Variants in ACSM2B observed in about 807,000 individuals in gnomAD.
ACSM2B encodes the protein acyl-CoA synthetase medium chain family member 2B.
In ACSM2B, 58 loss-of-function variants were observed where a neutral mutation model predicts 78.6. The observed-to-expected ratio is 0.74, with a 90% CI of 0.60 to 0.92. The LOEUF (loss-of-function observed/expected upper bound fraction) is 0.92, where lower values mean the gene tolerates loss of function less well. ACSM2B is among the 40% of genes least tolerant of loss of function. ACSM2B has a pLI of 0.00. For synonymous variants in ACSM2B, 257 were observed against 256.8 expected, an observed-to-expected ratio of 1.00 and a Z score of -0.01; for missense variants, 688 against 711.2, an observed-to-expected ratio of 0.97 and a Z score of 0.37.
Position 20,556,549 on chromosome 16 carries a change from C to T in ACSM2B, c.389-1073G>A, listed in dbSNP as rs936918498. ...CCTGGGAGGCAAAGGTTGCAGTGAG[C>T]CAAAATCGCACCACTGCACTCCAGC... On this transcript the variant is annotated intron_variant, in intron 3 of 13. Transcript: ENST00000329697. Among the ~76,000 whole-genome samples, 6 of 152,158 alleles carry T rather than the reference C, an allele frequency of 3.9e-5. No homozygotes were observed. The East Asian group carries it at 1.2e-3, about 29-fold the overall frequency.
intron 8 of ACSM2B, chr16:20,547,855 T>G: frequency 7.9e-7 from 1 of 1,266,054 alleles, no homozygotes; most frequent in Non-Finnish European, 1.1e-6. Context: ...CAAATCTCAC[T>G]GGAATGTAAT....
intron 12 of ACSM2B, chr16:20,542,540 G>T: frequency 4.4e-6 from 1 of 226,530 alleles, no homozygotes; most frequent in South Asian, 9.0e-5. Context: ...TTCGTATTGT[G>T]AATAGTGCTG....
rs1191942535 is a variant in ACSM2B at position 20,537,345 on chromosome 16, G to C, written c.1647C>G (p.Asn549Lys). The part of the protein sequence containing the change: ...KYPRKIEFVL[N>K]LPKTVTGKIQ... The stretch of plus-strand genomic sequence containing the variant: ...TTTTCCCTGTGACAGTCTTGGGCAG[G>C]TTCAAGACAAACTCTATCTGTTGAA... Residue 549 changes from asparagine (N) to lysine (K), a missense_variant, in exon 14 of 14, where the codon AAC becomes AAG. By Grantham distance (94) the Asn-to-Lys change is moderately conservative. Transcript: ENST00000329697. 1.2e-6 allele frequency: 2 copies of C among 1,613,902 alleles called. No homozygotes were observed. The highest frequency in any genetic ancestry group is 8.5e-7 in the Non-Finnish European group (1 of 1,179,910).
At chr16:20,545,738 T>C (rs2015120337) in intron 9 of ACSM2B, among the ~76,000 whole-genome samples, 1 of 152,186 alleles carries the variant, frequency 6.6e-6, no homozygotes, top group African/African-American at 2.4e-5. Flanking sequence ...GCTTAGCAAA[T>C]GGTTATCATA....
At chr16:20,538,324 T>C (rs1402571615) in intron 13 of ACSM2B, among the ~76,000 whole-genome samples, 2 of 152,206 alleles carry the variant, frequency 1.3e-5, no homozygotes, top group Non-Finnish European at 2.9e-5. Context: ...GCCCACTTCC[T>C]GTTTCTGTCA....
intron 2 of ACSM2B, among the ~76,000 whole-genome samples, chr16:20,562,086 AGTG>A (rs1360613242): frequency 1.1e-4 from 16 of 151,884 alleles, no homozygotes; most frequent in African/African-American, 3.9e-4. Flanking sequence ...TGTGAACATG[AGTG>A]TACACATATT....
intron 3 of ACSM2B, 141 bp from the exon 4 acceptor site, chr16:20,555,617 A>G: frequency 2.0e-6 from 3 of 1,465,724 alleles, no homozygotes; most frequent in South Asian, 1.5e-5. Flanking sequence ...TCAATAAAAA[A>G]GGGGACTAAG....
chr16:20,559,045 T>C (rs547920836), intron 3 of ACSM2B, among the ~76,000 whole-genome samples, 192 bp downstream of exon 3: 95 of 152,372 alleles, frequency 6.2e-4, no homozygotes, highest in African/African-American at 2.0e-3. Context: ...TCATTGTTGT[T>C]GTTCACCCTG....
chr16:20,562,683 G>T (rs989431311), intron 2 of ACSM2B, among the ~76,000 whole-genome samples: 2 of 152,054 alleles, frequency 1.3e-5, no homozygotes, highest in African/African-American at 4.8e-5. Context: ...GATGGTAGGG[G>T]CCTCAATTCT....
chr16:20,541,533 G>C (rs2014988566), intron 12 of ACSM2B, among the ~76,000 whole-genome samples: 1 of 151,982 alleles, frequency 6.6e-6, no homozygotes, highest in Admixed American at 6.6e-5. Flanking sequence ...TGTGCTTCTG[G>C]TCAGGAATAA....
At chr16:20,546,370 C>G in intron 9 of ACSM2B, 24 bp downstream of exon 9, 1 of 1,577,760 alleles carries the variant, frequency 6.3e-7, no homozygotes, top group Non-Finnish European at 8.6e-7. Flanking sequence ...CTAACTTCCT[C>G]CCTCCTCAGT....
chr16:20,542,614 C>T, intron 12 of ACSM2B: 1 of 369,532 alleles, frequency 2.7e-6, no homozygotes, highest in Non-Finnish European at 4.9e-6. Flanking sequence ...GGATAAATAC[C>T]CAGTAGTGGG....
chr16:20,552,503 A>C (rs1231362015), intron 5 of ACSM2B, among the ~76,000 whole-genome samples: 2 of 152,106 alleles, frequency 1.3e-5, no homozygotes, highest in Non-Finnish European at 2.9e-5. Flanking sequence ...ATAGGAGATG[A>C]ATGTTCGGAA....
intron 3 of ACSM2B, among the ~76,000 whole-genome samples, 193 bp downstream of exon 3, chr16:20,559,044 T>C (rs1262251415): frequency 1.3e-5 from 2 of 152,244 alleles, no homozygotes; most frequent in Non-Finnish European, 2.9e-5. Flanking sequence ...GTCATTGTTG[T>C]TGTTCACCCT....
At chr16:20,540,998 C>G (rs1162195674) in intron 12 of ACSM2B, 3 of 455,414 alleles carry the variant, frequency 6.6e-6, no homozygotes, top group South Asian at 4.0e-5. Context: ...TGAGACCAGG[C>G]TCACCTCATG....
chr16:20,563,222 C>T (rs374900084), intron 2 of ACSM2B, among the ~76,000 whole-genome samples: 13 of 152,136 alleles, frequency 8.5e-5, no homozygotes, highest in African/African-American at 2.7e-4. Context: ...GTAAAATTCT[C>T]ACTTGCATTA....
chr16:20,552,583 T>C (rs1394080328), intron 5 of ACSM2B, among the ~76,000 whole-genome samples: 1 of 152,160 alleles, frequency 6.6e-6, no homozygotes, highest in African/African-American at 2.4e-5. Context: ...CAAAACTCCG[T>C]ACAGTTTCTG....
Position 20,555,323 on chromosome 16 carries a change from A to G in ACSM2B, c.542T>C (p.Leu181Pro), listed in dbSNP as rs1379126505. 2 of 1,613,814 alleles carry G rather than the reference A, an allele frequency of 1.2e-6. No homozygotes were observed. Among genetic ancestry groups the G allele is most frequent in the Non-Finnish European group, 8.5e-7 (1 of 1,179,864 alleles). Residue 181 changes from leucine (L) to proline (P), a missense_variant, in exon 4 of 14, where the codon CTA becomes CCA. Transcript: ENST00000329697. ...ASECPSLRIK[L>P]LVSEKSCDGW... Reference sequence around the variant, plus strand: ...ATCGCAGCTTTTCTCAGACACCAGTAGCTTAATTCTCAGAGAAGGACATTC... The same window carrying G: ...ATCGCAGCTTTTCTCAGACACCAGTGGCTTAATTCTCAGAGAAGGACATTC...
At chr16:20,575,397 T>C (rs2016218644) in intron 1 of ACSM2B, 1 of 151,834 alleles carries the variant, frequency 6.6e-6, no homozygotes, top group Non-Finnish European at 1.5e-5. Context: ...TATATATATA[T>C]ACAGTTTATT....
Sources: gnomAD v4.1 joint callset for allele counts (sites outside exome capture counted in the v4.1 genomes callset) on GRCh38, gnomAD v4.1.1 for gene constraint, MANE v1.5 for transcripts, NCBI Gene and HGNC (gene_info 2026-07-23, HGNC 2026-07-21) for gene names.